Variants in CDC42EP2 observed in about 807,000 individuals in gnomAD.
The protein encoded by CDC42EP2 is CDC42 effector protein (Rho GTPase binding) 2.
A neutral mutation model predicts 7.3 loss-of-function variants in CDC42EP2; 5 were observed. The observed-to-expected ratio is 0.68, with a 90% CI of 0.36 to 1.44. CDC42EP2 has a LOEUF of 1.44. Ranked by LOEUF, CDC42EP2 falls within the 40% of genes most tolerant of loss-of-function variation. The probability of loss-of-function intolerance (pLI) is 0.04; values close to 1 mark genes in which losing one functional copy is unlikely to be tolerated. For synonymous variants in CDC42EP2, 113 were observed against 123.6 expected, an observed-to-expected ratio of 0.91 and a Z score of 0.57; for missense variants, 251 against 282.6, an observed-to-expected ratio of 0.89 and a Z score of 0.80.
chr11:65,321,218 C>A lies in CDC42EP2; in HGVS notation c.320C>A (p.Ala107Asp). The A allele has an allele frequency of 6.2e-7, 1 of 1,614,012 alleles. No homozygotes were observed. Among genetic ancestry groups the A allele is most frequent in the Non-Finnish European group, 8.5e-7 (1 of 1,180,000 alleles). ...GGCCCATCCCCTCTGCTCAAGAACGCCATCTCCCTCCCGGTTATCGGTGGA... is the reference window on the plus strand; with the variant it reads ...GGCCCATCCCCTCTGCTCAAGAACGACATCTCCCTCCCGGTTATCGGTGGA... The part of the protein sequence containing the change: ...PDGPSPLLKN[A>D]ISLPVIGGPQ... The change falls in exon 2 of 2, where the codon GCC (alanine) becomes GAC (aspartate). Residue 107 changes from alanine to aspartate, a missense_variant. Physicochemically the swap from Ala to Asp is moderately radical, Grantham distance 126 (BLOSUM62 -2). Transcript: ENST00000279249. This position sits in a 1 kb window ranked among gnomAD's most constrained non-coding sequence, Gnocchi z 4.4.
chr11:65,317,393 C>T (rs1002460934), intron 1 of CDC42EP2, among the ~76,000 whole-genome samples: 1 of 151,896 alleles, frequency 6.6e-6, no homozygotes, highest in African/African-American at 2.4e-5. Context: ...CCTGCTCCCG[C>T]CTCCCAACCC....
intron 1 of CDC42EP2, among the ~76,000 whole-genome samples, chr11:65,319,899 G>A (rs567023699): frequency 6.6e-6 from 1 of 152,200 alleles, no homozygotes; most frequent in African/African-American, 2.4e-5. Context: ...GAGGTGGGGG[G>A]TATGGTATGA....
In CDC42EP2 at chr11:65,321,902, C is replaced by T; in HGVS notation, c.*371C>T. On this transcript the variant is annotated 3_prime_UTR_variant, in exon 2 of 2. Transcript: ENST00000279249. The surrounding 1 kb of genome is among the most constrained non-coding windows in gnomAD (Gnocchi z 4.4). ...CCCCGTTGGATGCCCTGACTGGGGGCAGGGGAAGAGACAGGGCACAGCTGG... is the reference window on the plus strand; with the variant it reads ...CCCCGTTGGATGCCCTGACTGGGGGTAGGGGAAGAGACAGGGCACAGCTGG... 1 of 219,104 alleles carries T rather than the reference C, an allele frequency of 4.6e-6. No homozygotes were observed. Among genetic ancestry groups the T allele is most frequent in the Non-Finnish European group, 1.0e-5 (1 of 99,288 alleles). 13.6% of individuals were successfully genotyped at this position (219,104 alleles called of 1,614,324 possible).
rs1047015948 is a variant in CDC42EP2 at position 65,320,938 on chromosome 11, C to T, written c.40C>T (p.Arg14Cys). ...GCCCATCTATCTGAAGCGTGGCAGT[C>T]GCAAGGGCAAGAAGGAGAAGCTTCG... ...KVPIYLKRGSRKGKKEKLRDL... is the reference protein window; with the variant it reads ...KVPIYLKRGSCKGKKEKLRDL... The change falls in exon 2 of 2, where the codon CGC (arginine) becomes TGC (cysteine). Residue 14 changes from arginine (R) to cysteine (C), a missense_variant. By Grantham distance (180) the Arg-to-Cys change is radical. Coordinates refer to ENST00000279249, the MANE Select transcript of CDC42EP2 (RefSeq NM_006779.4). 1.2e-5 allele frequency: 20 copies of T among 1,609,588 alleles called. No individual in the cohort carries two copies. Among genetic ancestry groups the T allele is most frequent in the Non-Finnish European group, 1.5e-5 (18 of 1,176,570 alleles).
rs1400553525 is a variant in CDC42EP2, at chr11:65,315,143, G to A, written c.-356+189G>A. Among the ~76,000 whole-genome samples the A allele has an allele frequency of 6.6e-6, 1 of 152,132 alleles. No homozygotes were observed. Among genetic ancestry groups the A allele is most frequent in the Non-Finnish European group, 1.5e-5 (1 of 67,990 alleles). On this transcript the variant is annotated intron_variant, in intron 1 of 1. Coordinates refer to ENST00000279249, the MANE Select transcript of CDC42EP2 (RefSeq NM_006779.4). The surrounding 1 kb of genome is among the most constrained non-coding windows in gnomAD (Gnocchi z 4.1). ...CCGCAGCCTCGCCCGTGCCCGCCAC[G>A]GTCCGTGGGGGCGCAACGCATCCCG...
intron 1 of CDC42EP2, among the ~76,000 whole-genome samples, chr11:65,317,752 AT>A (rs1285446831): frequency 6.7e-6 from 1 of 150,282 alleles, no homozygotes; most frequent in Non-Finnish European, 1.5e-5. Context: ...AAATAGCTTA[AT>A]TTTTTTCTGA....
Position 65,321,804 on chromosome 11 carries a change from C to T in CDC42EP2, c.*273C>T, listed in dbSNP as rs910883043. On this transcript the variant is annotated 3_prime_UTR_variant, in exon 2 of 2. Transcript: ENST00000279249. This position sits in a 1 kb window ranked among gnomAD's most constrained non-coding sequence, Gnocchi z 4.4. ...GGCACCTGGACCCCATCACAATACT[C>T]CTTCTTCCTTCAGGTCCCTGGGTGA... The T allele has an allele frequency of 1.0e-5, 4 of 394,840 alleles. No individual in the cohort carries two copies. The highest frequency in any genetic ancestry group is 4.0e-5 in the Admixed American group (1 of 25,008). 24.5% of individuals were successfully genotyped at this position (394,840 alleles called of 1,614,324 possible). A position where few individuals can be genotyped will look rare whatever the true frequency, so the allele number is the denominator to read the frequency against.
At position 65,320,944 on chromosome 11, in the gene CDC42EP2, G is replaced by A. The variant is rs1401968034; in HGVS notation, c.46G>A (p.Gly16Ser). Reference sequence around the variant, plus strand: ...CTATCTGAAGCGTGGCAGTCGCAAGGGCAAGAAGGAGAAGCTTCGGGACCT... The same window carrying A: ...CTATCTGAAGCGTGGCAGTCGCAAGAGCAAGAAGGAGAAGCTTCGGGACCT... ...PIYLKRGSRKGKKEKLRDLLS... is the reference protein window; with the variant it reads ...PIYLKRGSRKSKKEKLRDLLS... Residue 16 changes from glycine to serine, a missense_variant, in exon 2 of 2, where the codon GGC (glycine) becomes AGC (serine). Gly to Ser is a moderately conservative substitution (Grantham distance 56, BLOSUM62 0). Coordinates refer to ENST00000279249, the MANE Select transcript of CDC42EP2 (RefSeq NM_006779.4). The A allele has an allele frequency of 3.1e-6, 5 of 1,611,792 alleles. No homozygotes were observed. The Admixed American group carries it at 8.3e-5, about 27-fold the overall frequency.
rs758063296 is a variant in CDC42EP2 at position 65,321,290 on chromosome 11, C to G, written c.392C>G (p.Pro131Arg). ...LPTAQAPPKP[P>R]RLHLETPQPS... ...ACAGCCCAGGCTCCACCCAAGCCCCCTCGCCTGCACCTGGAGACCCCTCAG... is the reference window on the plus strand; with the variant it reads ...ACAGCCCAGGCTCCACCCAAGCCCCGTCGCCTGCACCTGGAGACCCCTCAG... The change falls in exon 2 of 2, where the codon CCT becomes CGT. Residue 131 changes from proline to arginine, a missense_variant. Coordinates refer to ENST00000279249, the MANE Select transcript of CDC42EP2 (RefSeq NM_006779.4). The surrounding 1 kb of genome is among the most constrained non-coding windows in gnomAD (Gnocchi z 4.4). The G allele has an allele frequency of 1.2e-6, 2 of 1,613,974 alleles. No individual in the cohort carries two copies. The highest frequency in any genetic ancestry group is 2.2e-5 in the East Asian group (1 of 44,862).
Position 65,320,743 on chromosome 11 carries a change from G to C in CDC42EP2, c.-156G>C, listed in dbSNP as rs1373328911. On this transcript the variant is annotated 5_prime_UTR_variant, in exon 2 of 2. Coordinates refer to ENST00000279249, the MANE Select transcript of CDC42EP2 (RefSeq NM_006779.4). ...TTAATTCCTTGGGCCAACTTTGTTC[G>C]TGCCCCCACACTGTAGCCAGAAGCC... 2 of 669,538 alleles carry C rather than the reference G, an allele frequency of 3.0e-6. No individual in the cohort carries two copies. The highest frequency in any genetic ancestry group is 5.5e-5 in the East Asian group (2 of 36,230). 41.5% of individuals were successfully genotyped at this position (669,538 alleles called of 1,614,324 possible). A position where few individuals can be genotyped will look rare whatever the true frequency, so the allele number is the denominator to read the frequency against.
Position 65,315,366 on chromosome 11 carries a change from G to T in CDC42EP2, c.-356+412G>T, listed in dbSNP as rs985056630. Among the ~76,000 whole-genome samples the T allele has an allele frequency of 6.6e-6, 1 of 152,228 alleles. No individual in the cohort carries two copies. Among genetic ancestry groups the T allele is most frequent in the African/African-American group, 2.4e-5 (1 of 41,470 alleles). On this transcript the variant is annotated intron_variant, in intron 1 of 1. Transcript: ENST00000279249. This position sits in a 1 kb window ranked among gnomAD's most constrained non-coding sequence, Gnocchi z 4.1. The stretch of plus-strand genomic sequence containing the variant: ...TCCGGGCTGGGCTGGGCTCCGCCCG[G>T]GTAGGAGTGGGGAGGGGTCGGCGCA...
In CDC42EP2 at chr11:65,320,976, C is replaced by G; in HGVS notation, c.78C>G (p.Ser26=). The change falls in exon 2 of 2, where the codon TCC becomes TCG. Residue 26 remains serine (S), a synonymous_variant. Coordinates refer to ENST00000279249, the MANE Select transcript of CDC42EP2 (RefSeq NM_006779.4). ...AGGAGAAGCTTCGGGACCTGCTGTC[C>G]TCGGACATGATCAGCCCACCGCTGG... The part of the protein sequence containing the change: ...GKKEKLRDLL[S]SDMISPPLGD... 2 of 1,613,940 alleles carry G rather than the reference C, an allele frequency of 1.2e-6. No homozygotes were observed.
In CDC42EP2 at chr11:65,315,781, G is replaced by C. The variant is rs1180501137; in HGVS notation, c.-356+827G>C. ...CCGCGGAGCCGGGCACCTCTCCGGA[G>C]GCACCGGGACCCCGGGAGACCCAGC... On this transcript the variant is annotated intron_variant, in intron 1 of 1. Coordinates refer to ENST00000279249, the MANE Select transcript of CDC42EP2 (RefSeq NM_006779.4). The surrounding 1 kb of genome is among the most constrained non-coding windows in gnomAD (Gnocchi z 4.1). 6.6e-6 allele frequency among the ~76,000 whole-genome samples: 1 copy of C among 152,198 alleles called. No individual in the cohort carries two copies. The highest frequency in any genetic ancestry group is 1.5e-5 in the Non-Finnish European group (1 of 68,038).
chr11:65,317,599 T>C (rs1949953898), intron 1 of CDC42EP2, among the ~76,000 whole-genome samples: 1 of 152,114 alleles, frequency 6.6e-6, no homozygotes, highest in African/African-American at 2.4e-5. Context: ...TTATGCTGAG[T>C]CTACATCTGG....
intron 1 of CDC42EP2, among the ~76,000 whole-genome samples, chr11:65,317,985 T>C (rs919101647): frequency 2.2e-4 from 33 of 152,130 alleles, no homozygotes; most frequent in African/African-American, 8.0e-4. Context: ...TTTCCTCCCA[T>C]ATCAGTGACC....
chr11:65,318,179 T>C (rs1949956343), intron 1 of CDC42EP2, among the ~76,000 whole-genome samples: 1 of 151,856 alleles, frequency 6.6e-6, no homozygotes, highest in South Asian at 2.1e-4. Context: ...CACTGCAACC[T>C]CTGCCTCCTG....
Position 65,321,861 on chromosome 11 carries a change from G to A in CDC42EP2, c.*330G>A, listed in dbSNP as rs921384000. 3 of 251,962 alleles carry A rather than the reference G, an allele frequency of 1.2e-5. No individual in the cohort carries two copies. The South Asian group carries it at 2.9e-4, about 24-fold the overall frequency. The allele number at this position is 251,962 out of a possible 1,614,324, so 15.6% of individuals were successfully genotyped here. A position where few individuals can be genotyped will look rare whatever the true frequency, so the allele number is the denominator to read the frequency against. ...TGCTGAAACCGACCCCCCTTTTCACGTCCCTTCTGCCTCTGCCCCGTTGGA... is the reference window on the plus strand; with the variant it reads ...TGCTGAAACCGACCCCCCTTTTCACATCCCTTCTGCCTCTGCCCCGTTGGA... On this transcript the variant is annotated 3_prime_UTR_variant, in exon 2 of 2. Coordinates refer to ENST00000279249, the MANE Select transcript of CDC42EP2 (RefSeq NM_006779.4). The surrounding 1 kb of genome is among the most constrained non-coding windows in gnomAD (Gnocchi z 4.4).
intron 1 of CDC42EP2, among the ~76,000 whole-genome samples, chr11:65,318,792 A>G (rs1949960034): frequency 7.2e-6 from 1 of 138,480 alleles, no homozygotes; most frequent in Non-Finnish European, 1.5e-5. Context: ...CTGGTCTCGA[A>G]CTCCTGATCT....
rs756430782 is a variant in CDC42EP2 at position 65,320,916 on chromosome 11, C to G, written c.18C>G (p.Pro6=). Residue 6 remains proline, a synonymous_variant, in exon 2 of 2, where the codon CCC becomes CCG. Coordinates refer to ENST00000279249, the MANE Select transcript of CDC42EP2 (RefSeq NM_006779.4). ...AGGTCACCATGTCCACCAAGGTGCC[C>G]ATCTATCTGAAGCGTGGCAGTCGCA... MSTKV[P]IYLKRGSRKG... is the part of the protein sequence containing the mutation. The G allele has an allele frequency of 1.9e-6, 3 of 1,603,692 alleles. No homozygotes were observed. The highest frequency in any genetic ancestry group is 2.2e-5 in the East Asian group (1 of 44,614).
Sources: gnomAD v4.1 joint callset for allele counts (sites outside exome capture counted in the v4.1 genomes callset) on GRCh38, gnomAD v4.1.1 for gene constraint, Gnocchi (gnomAD v3.1) non-coding constraint, MANE v1.5 for transcripts, NCBI Gene and HGNC (gene_info 2026-07-23, HGNC 2026-07-21) for gene names.